PYURF: variants seen among roughly 807,000 people sequenced by gnomAD.
PYURF encodes the protein PIGY upstream open reading frame.
In PYURF, 9 loss-of-function variants were observed where a neutral mutation model predicts 8.0. The ratio of observed to expected loss-of-function variants is 1.13; its 90% CI spans 0.68 to 1.97. The LOEUF (loss-of-function observed/expected upper bound fraction) is 1.97. Ranked by LOEUF, PYURF falls within the 30% of genes most tolerant of loss-of-function variation. PYURF has a pLI of 0.00. For missense variants in PYURF, 130 were observed against 158.0 expected (o/e 0.82, Z 0.95); for synonymous variants, 56 against 68.3 (o/e 0.82, Z 0.89).
intron 1 of PYURF, among the ~76,000 whole-genome samples, chr4:88,523,236 A>G (rs1056352339): frequency 1.3e-5 from 2 of 152,222 alleles, no homozygotes; most frequent in African/African-American, 4.8e-5. Flanking sequence ...TGCAATGCGC[A>G]GCCGGTCGCG....
rs1192499101 is a variant in PYURF at position 88,523,660 on chromosome 4, C to G, written c.41G>C (p.Arg14Pro). 1 of 1,534,502 alleles carries G rather than the reference C, an allele frequency of 6.5e-7. No homozygotes were observed. Among genetic ancestry groups the G allele is most frequent in the Non-Finnish European group, 8.7e-7 (1 of 1,143,194 alleles). The part of the protein sequence containing the change: ...GARCRLASAL[R>P]GTRAPPSAVA... The stretch of plus-strand genomic sequence containing the variant: ...CGCGGACGGCGGCGCGCGCGTTCCC[C>G]GCAGCGCTGAGGCGAGCCTGCAGCG... The change falls in exon 1 of 2, where the codon CGG (arginine) becomes CCG (proline). Residue 14 changes from arginine (R) to proline (P), a missense_variant. Coordinates refer to ENST00000273968, the MANE Select transcript of PYURF (RefSeq NM_032906.5).
Position 88,521,912 on chromosome 4 carries a change from C to G in PYURF, c.321G>C (p.Lys107Asn). The G allele has an allele frequency of 6.4e-7, 1 of 1,550,580 alleles. No individual in the cohort carries two copies. The highest frequency in any genetic ancestry group is 8.7e-7 in the Non-Finnish European group (1 of 1,146,720). Residue 107 changes from lysine (K) to asparagine (N), a missense_variant, in exon 2 of 2, where the codon AAG (lysine) becomes AAC (asparagine). Physicochemically the swap from Lys to Asn is moderately conservative, Grantham distance 94. Coordinates refer to ENST00000273968, the MANE Select transcript of PYURF (RefSeq NM_032906.5). ...QAARMTRQSK[K>N]QEEVEQR ...ACTAGCGCTGCTCCACTTCTTCTTG[C>G]TTCTTACTTTGACGTGTCATCCTAG...
In PYURF at chr4:88,521,151, T is replaced by C. The variant is rs2149117042; in HGVS notation, c.*737A>G. ...TATATCACATTCGTTCAAATGCATT[T>C]CTCTCCCTTAGAGGGACTATTCCAA... is the stretch of plus-strand genomic sequence containing the variant. On this transcript the variant is annotated 3_prime_UTR_variant, in exon 2 of 2. Coordinates refer to ENST00000273968, the MANE Select transcript of PYURF (RefSeq NM_032906.5). 6.3e-6 allele frequency: 1 copy of C among 158,772 alleles called. No individual in the cohort carries two copies. The highest frequency in any genetic ancestry group is 2.4e-5 in the African/African-American group (1 of 41,762). The allele number at this position is 158,772 out of a possible 1,614,324, so 9.8% of individuals were successfully genotyped here.
Position 88,521,725 on chromosome 4 carries a change from T to G in PYURF, c.*163A>C, listed in dbSNP as rs1297129039. The G allele has an allele frequency of 6.2e-7, 1 of 1,613,736 alleles. No individual in the cohort carries two copies. The highest frequency in any genetic ancestry group is 1.3e-5 in the African/African-American group (1 of 74,914). ...GAAGTTTTCTTCCACAGAGGCTGAG[T>G]AGAACAGTCCTGCTAAAGAAACCAG... On this transcript the variant is annotated 3_prime_UTR_variant, in exon 2 of 2. Transcript: ENST00000273968.
intron 1 of PYURF, 117 bp from the exon 2 acceptor site, chr4:88,522,146 T>C (rs1407540807): frequency 2.3e-6 from 2 of 870,198 alleles, no homozygotes; most frequent in African/African-American, 1.7e-5. Flanking sequence ...AATCCCAGAA[T>C]AGTCTTCTTT....
At chr4:88,522,181 T>C (rs1264724185) in intron 1 of PYURF, among the ~76,000 whole-genome samples, 152 bp from the exon 2 acceptor site, 1 of 152,222 alleles carries the variant, frequency 6.6e-6, no homozygotes, top group African/African-American at 2.4e-5. Flanking sequence ...CAATAGCCAA[T>C]TCAACCTTTT....
chr4:88,523,133 C>T (rs1199921830), intron 1 of PYURF, among the ~76,000 whole-genome samples: 1 of 151,754 alleles, frequency 6.6e-6, no homozygotes, highest in Admixed American at 6.6e-5. Context: ...AAAGAAAATA[C>T]AAATGTTCAG....
Position 88,521,953 on chromosome 4 carries a change from T to C in PYURF, c.280A>G (p.Met94Val). The change falls in exon 2 of 2, where the codon ATG (methionine) becomes GTG (valine). Residue 94 changes from methionine (M) to valine (V), a missense_variant. Met to Val is a conservative substitution (Grantham distance 21). Coordinates refer to ENST00000273968, the MANE Select transcript of PYURF (RefSeq NM_032906.5). ...GTCATCCTAGCTGCCTGTGGTATCA[T>C]ATTAGGGATCCCATCAATGATTGGA... ...AYPIIDGIPNMIPQAARMTRQ... is the reference protein window; with the variant it reads ...AYPIIDGIPNVIPQAARMTRQ... The C allele has an allele frequency of 1.3e-6, 2 of 1,551,552 alleles. No individual in the cohort carries two copies. The highest frequency in any genetic ancestry group is 1.7e-6 in the Non-Finnish European group (2 of 1,146,876).
chr4:88,521,858 T>C lies in PYURF; in HGVS notation c.*30A>G, dbSNP rs1172245809. ...TATGGTATTAAGAAAAGTTGGCTGT[T>C]GCGTTTTTTTAATTTTTTTAAATTA... On this transcript the variant is annotated 3_prime_UTR_variant, in exon 2 of 2. Coordinates refer to ENST00000273968, the MANE Select transcript of PYURF (RefSeq NM_032906.5). The C allele has an allele frequency of 1.3e-6, 2 of 1,549,030 alleles. No individual in the cohort carries two copies.
rs1287242233 is a variant in PYURF, at chr4:88,523,491, G to A, written c.203+7C>T. ...CTGCAAAGGAAGGGCCAAGGCCAGC[G>A]AGTTACCTGAGCGGCTTCTTGGAGA... On this transcript the variant is annotated splice_region_variant and intron_variant, in intron 1 of 1. Transcript: ENST00000273968. 6.4e-7 allele frequency: 1 copy of A among 1,551,220 alleles called. No individual in the cohort carries two copies. The highest frequency in any genetic ancestry group is 8.7e-7 in the Non-Finnish European group (1 of 1,146,822).
At chr4:88,522,080 T>C in intron 1 of PYURF, 51 bp from the exon 2 acceptor site, 2 of 1,478,632 alleles carry the variant, frequency 1.4e-6, no homozygotes, top group Non-Finnish European at 1.8e-6. Flanking sequence ...ATAAAATGCT[T>C]GAAGAGCCTG....
In PYURF at chr4:88,523,545, C is replaced by T. The variant is rs1421304560; in HGVS notation, c.156G>A (p.Pro52=). 1 of 1,551,128 alleles carries T rather than the reference C, an allele frequency of 6.4e-7. No individual in the cohort carries two copies. The highest frequency in any genetic ancestry group is 8.7e-7 in the Non-Finnish European group (1 of 1,146,866). Residue 52 remains proline (P), a synonymous_variant, in exon 1 of 2, where the codon CCG becomes CCA. Coordinates refer to ENST00000273968, the MANE Select transcript of PYURF (RefSeq NM_032906.5). Reference sequence around the variant, plus strand: ...GGCACACCAGGAACTCCAGCAGCGCCGGATCGAAGTCGCGGGGCGGCTCCT... The same window carrying T: ...GGCACACCAGGAACTCCAGCAGCGCTGGATCGAAGTCGCGGGGCGGCTCCT... ...KTEEPPRDFD[P]ALLEFLVCPL... is the part of the protein sequence containing the mutation.
rs1020212128 is a variant in PYURF at position 88,521,967 on chromosome 4, T to C, written c.266A>G (p.Asp89Gly). Residue 89 changes from aspartate to glycine, a missense_variant, in exon 2 of 2, where the codon GAT becomes GGT. Physicochemically the swap from Asp to Gly is moderately conservative, Grantham distance 94. Transcript: ENST00000273968. ...CTGTGGTATCATATTAGGGATCCCA[T>C]CAATGATTGGATAAGCTATTCCCAA... ...EELGIAYPII[D>G]GIPNMIPQAA... is the part of the protein sequence containing the mutation. 1.2e-4 allele frequency: 190 copies of C among 1,551,232 alleles called. No homozygotes were observed. Among genetic ancestry groups the C allele is most frequent in the Non-Finnish European group, 1.6e-4 (183 of 1,146,738 alleles).
In PYURF at chr4:88,521,813, C is replaced by T; in HGVS notation, c.*75G>A. ...ATTCTTCTCTTCCACTTATTACCTG[C>T]CACTGTGTTTTAAAAGGTATATGGT... On this transcript the variant is annotated 3_prime_UTR_variant, in exon 2 of 2. Coordinates refer to ENST00000273968, the MANE Select transcript of PYURF (RefSeq NM_032906.5). The T allele has an allele frequency of 6.3e-7, 1 of 1,599,476 alleles. No homozygotes were observed. The highest frequency in any genetic ancestry group is 1.1e-5 in the South Asian group (1 of 88,996).
chr4:88,522,578 T>C (rs188831940), intron 1 of PYURF, among the ~76,000 whole-genome samples: 3 of 152,302 alleles, frequency 2.0e-5, no homozygotes, highest in Admixed American at 6.5e-5. Context: ...TTCGAGAAAA[T>C]TGAATAATAT....
At position 88,522,018 on chromosome 4, in the gene PYURF, G is replaced by C; in HGVS notation, c.215C>G (p.Ser72Ter). 6.5e-7 allele frequency: 1 copy of C among 1,545,520 alleles called. No homozygotes were observed. The highest frequency in any genetic ancestry group is 1.2e-5 in the South Asian group (1 of 81,852). ...CTCTTCATTAATCAATTCGTTTGTT[G>C]ATGCTTCATATCTGAGGTGGAAAAA... Reference protein sequence around the residue: ...LSKKPLRYEASTNELINEELG... With the variant: ...LSKKPLRYEA The change falls in exon 2 of 2, where the codon TCA becomes TGA. Residue 72 changes from serine (S) to a stop codon, truncating the protein, a stop_gained. Coordinates refer to ENST00000273968, the MANE Select transcript of PYURF (RefSeq NM_032906.5). LOFTEE classifies it high-confidence loss of function.
At chr4:88,523,443 C>CT in intron 1 of PYURF, 55 bp downstream of exon 1, 1 of 1,536,246 alleles carries the variant, frequency 6.5e-7, no homozygotes, top group Non-Finnish European at 8.8e-7. Flanking sequence ...CGGTCCACCG[C>CT]TCCCTTTCCG....
intron 1 of PYURF, 117 bp from the exon 2 acceptor site, chr4:88,522,146 T>G (rs1407540807): frequency 2.3e-6 from 2 of 870,198 alleles, no homozygotes; most frequent in Admixed American, 3.3e-5. Flanking sequence ...AATCCCAGAA[T>G]AGTCTTCTTT....
At chr4:88,522,619 T>C (rs1197945666) in intron 1 of PYURF, among the ~76,000 whole-genome samples, 2 of 152,148 alleles carry the variant, frequency 1.3e-5, no homozygotes, top group African/African-American at 2.4e-5. Flanking sequence ...ATACGAAAAA[T>C]TGCTAGCAAT....
Sources: gnomAD v4.1 joint callset for allele counts (sites outside exome capture counted in the v4.1 genomes callset) on GRCh38, gnomAD v4.1.1 for gene constraint, MANE v1.5 for transcripts, NCBI Gene and HGNC (gene_info 2026-07-23, HGNC 2026-07-21) for gene names.